The following TSPAN12 variants were observed in gnomAD, a reference collection of about 807,000 sequenced individuals.
TSPAN12 encodes tetraspanin 12.
A neutral mutation model predicts 39.2 loss-of-function variants in TSPAN12; 19 were observed. The observed-to-expected ratio is 0.49, with a 90% CI of 0.34 to 0.71. TSPAN12 has a LOEUF of 0.71. TSPAN12 is among the 30% of genes least tolerant of loss of function. The pLI, the probability that TSPAN12 is intolerant of heterozygous loss-of-function variation, is 0.01. For synonymous variants in TSPAN12, 119 were observed against 124.8 expected (o/e 0.95, Z 0.31); for missense variants, 314 against 359.9 (o/e 0.87, Z 1.03).
chr7:120,810,375 G>A lies in TSPAN12; in HGVS notation c.468+88C>T, dbSNP rs975826036. 4 of 870,296 alleles carry A rather than the reference G, an allele frequency of 4.6e-6. No individual in the cohort carries two copies. The Admixed American group carries it at 7.2e-5, about 16-fold the overall frequency. 53.9% of individuals were successfully genotyped at this position (870,296 alleles called of 1,614,324 possible). A position where few individuals can be genotyped will look rare whatever the true frequency, so the allele number is the denominator to read the frequency against. Reference sequence around the variant, plus strand: ...ACAGGCTTAATTTTTCAGCACAGAGGAAATTACCAAAGCTAAAGCTTTAAA... The same window carrying A: ...ACAGGCTTAATTTTTCAGCACAGAGAAAATTACCAAAGCTAAAGCTTTAAA... On this transcript the variant is annotated intron_variant, in intron 6 of 7. Transcript: ENST00000222747.
intron 7 of TSPAN12, among the ~76,000 whole-genome samples, chr7:120,790,262 T>C (rs1793496518): frequency 6.6e-6 from 1 of 152,172 alleles, no homozygotes; most frequent in Non-Finnish European, 1.5e-5. Flanking sequence ...TTCAACGGTA[T>C]AGTATAATGG....
In TSPAN12 at chr7:120,799,568, ATT is replaced by A. The variant is rs1286887279; in HGVS notation, c.612+6979_612+6980del. 1.6e-3 allele frequency among the ~76,000 whole-genome samples: 176 copies of A among 107,398 alleles called. 1 individual carries two copies. The highest frequency in any genetic ancestry group is 6.2e-3 in the African/African-American group (168 of 27,052). 70.5% of individuals were successfully genotyped at this position (107,398 alleles called of 152,430 possible). ...ATTATATATATAATTAAATATAATT[ATT>A]TATATAATTATATGTAATAATATAA... is the stretch of plus-strand genomic sequence containing the variant. On this transcript the variant is annotated intron_variant, in intron 7 of 7. Transcript: ENST00000222747.
At chr7:120,839,805 C>A (rs1266691171) in intron 3 of TSPAN12, among the ~76,000 whole-genome samples, 2 of 152,100 alleles carry the variant, frequency 1.3e-5, no homozygotes, top group Non-Finnish European at 2.9e-5. Flanking sequence ...ATTACCATAC[C>A]CAGAAATGTC....
At chr7:120,814,366 C>A in intron 5 of TSPAN12, 1 of 427,476 alleles carries the variant, frequency 2.3e-6, no homozygotes, top group Non-Finnish European at 4.7e-6. Context: ...CCGTTCCTCC[C>A]TGCCTTCCCC....
At chr7:120,802,263 G>T (rs1793788400) in intron 7 of TSPAN12, among the ~76,000 whole-genome samples, 2 of 152,308 alleles carry the variant, frequency 1.3e-5, no homozygotes, top group South Asian at 4.1e-4. Context: ...TGGGCTGTCA[G>T]TAATCACGGG....
At chr7:120,838,674 T>C in intron 4 of TSPAN12, 103 bp downstream of exon 4, 1 of 1,226,782 alleles carries the variant, frequency 8.2e-7, no homozygotes. Context: ...TACAGGATGT[T>C]GTTACTGCTA....
Position 120,796,235 on chromosome 7 carries a change from A to G in TSPAN12, c.613-7338T>C, listed in dbSNP as rs375921460. Among the ~76,000 whole-genome samples, 6 of 152,314 alleles carry G rather than the reference A, an allele frequency of 3.9e-5. No individual in the cohort carries two copies. In the South Asian group the frequency reaches 1.0e-3, roughly 26 times the overall value. ...ATTTGGGCACCTTAAATTTGCATCT[A>G]TAAGAAGTTAGAGGGTGTTAAAACA... On this transcript the variant is annotated intron_variant, in intron 7 of 7. Transcript: ENST00000222747.
At chr7:120,853,247 C>T (rs536610560) in intron 2 of TSPAN12, among the ~76,000 whole-genome samples, 21 of 151,880 alleles carry the variant, frequency 1.4e-4, no homozygotes, top group Middle Eastern at 3.4e-3. Flanking sequence ...GTGCACGCCA[C>T]GACACCCGGC....
In TSPAN12 at chr7:120,788,295, T is replaced by A. The variant is rs1370626850; in HGVS notation, c.*297A>T. ...TGACTCGTTTGCATGGATGCGGAAA[T>A]GCTAATCAAACCATGCTGCCTCAAA... is the stretch of plus-strand genomic sequence containing the variant. On this transcript the variant is annotated 3_prime_UTR_variant, in exon 8 of 8. Coordinates refer to ENST00000222747, the MANE Select transcript of TSPAN12 (RefSeq NM_012338.4). 1 of 410,162 alleles carries A rather than the reference T, an allele frequency of 2.4e-6. No individual in the cohort carries two copies. Among genetic ancestry groups the A allele is most frequent in the Non-Finnish European group, 4.5e-6 (1 of 222,300 alleles). 25.4% of individuals were successfully genotyped at this position (410,162 alleles called of 1,614,324 possible).
intron 4 of TSPAN12, among the ~76,000 whole-genome samples, chr7:120,829,045 C>T (rs558037120): frequency 6.6e-6 from 1 of 152,092 alleles, no homozygotes; most frequent in Non-Finnish European, 1.5e-5. Flanking sequence ...ACTAAAATAA[C>T]GGCTGTATAA....
rs565415673 is a variant in TSPAN12 at position 120,841,724 on chromosome 7, C to A, written c.67-1615G>T. On this transcript the variant is annotated intron_variant, in intron 2 of 7. Coordinates refer to ENST00000222747, the MANE Select transcript of TSPAN12 (RefSeq NM_012338.4). ...GATATCTATATTTGTAAGAAAAAAA[C>A]CGAAACATAATGATGACTGGGATAT... 9.9e-4 allele frequency among the ~76,000 whole-genome samples: 150 copies of A among 151,914 alleles called. 1 individual carries two copies. The highest frequency in any genetic ancestry group is 7.5e-3 in the South Asian group (36 of 4,784).
At chr7:120,809,269 T>G (rs937592922) in intron 6 of TSPAN12, among the ~76,000 whole-genome samples, 4 of 152,142 alleles carry the variant, frequency 2.6e-5, no homozygotes, top group African/African-American at 4.8e-5. Flanking sequence ...TTAACCTGGA[T>G]TATCACTGTC....
intron 7 of TSPAN12, among the ~76,000 whole-genome samples, chr7:120,789,316 T>A (rs1468377403): frequency 6.6e-6 from 1 of 152,198 alleles, no homozygotes; most frequent in Non-Finnish European, 1.5e-5. Context: ...GGTAAGTGAA[T>A]GAATGAATGT....
At chr7:120,851,325 T>C (rs543333033) in intron 2 of TSPAN12, among the ~76,000 whole-genome samples, 1 of 152,292 alleles carries the variant, frequency 6.6e-6, no homozygotes, top group South Asian at 2.1e-4. Context: ...ATAAACTAAA[T>C]TTCCTGTCTA....
At chr7:120,837,731 T>C (rs1160285037) in intron 4 of TSPAN12, among the ~76,000 whole-genome samples, 1 of 152,218 alleles carries the variant, frequency 6.6e-6, no homozygotes, top group Admixed American at 6.5e-5. Flanking sequence ...AAAGCTTTAG[T>C]TCAACTTCAC....
At chr7:120,816,673 T>C (rs1489424849) in intron 4 of TSPAN12, among the ~76,000 whole-genome samples, 1 of 152,144 alleles carries the variant, frequency 6.6e-6, no homozygotes, top group Admixed American at 6.6e-5. Flanking sequence ...CTTTAAATAA[T>C]ACACTAGTGA....
chr7:120,816,277 T>A lies in TSPAN12; in HGVS notation c.286-474A>T, dbSNP rs139004281. Among the ~76,000 whole-genome samples the A allele has an allele frequency of 1.6e-3, 236 of 152,186 alleles. 2 individuals are homozygous for A. The highest frequency in any genetic ancestry group is 5.4e-3 in the African/African-American group (223 of 41,534). On this transcript the variant is annotated intron_variant, in intron 4 of 7. Transcript: ENST00000222747. ...ACATAGAACAAAATCTCAACTACTG[T>A]TGACACTTTCTATAGTAAGTTTCTA...
intron 4 of TSPAN12, among the ~76,000 whole-genome samples, chr7:120,821,429 T>TA (rs57157669): frequency 0.22 from 31,063 of 142,602 alleles, 3,425 homozygotes; most frequent in African/African-American, 0.26. Context: ...CTTGTTGACT[T>TA]AAAAAAAAAA....
chr7:120,841,648 G>T (rs541490702), intron 2 of TSPAN12, among the ~76,000 whole-genome samples: 1 of 145,222 alleles, frequency 6.9e-6, no homozygotes, highest in South Asian at 2.2e-4. Flanking sequence ...TTTTTAAAAG[G>T]TCTTTATTTT....
Sources: gnomAD v4.1 joint callset for allele counts (sites outside exome capture counted in the v4.1 genomes callset) on GRCh38, gnomAD v4.1.1 for gene constraint, MANE v1.5 for transcripts, NCBI Gene and HGNC (gene_info 2026-07-23, HGNC 2026-07-21) for gene names.